Variants in STRN observed in about 807,000 individuals in gnomAD.
The protein encoded by STRN is striatin.
In STRN, 53 loss-of-function variants were observed where a neutral mutation model predicts 96.3. The ratio of observed to expected loss-of-function variants is 0.55; its 90% CI spans 0.44 to 0.69. The LOEUF is 0.69. STRN is among the 30% of genes least tolerant of loss of function. The pLI, the probability that STRN is intolerant of heterozygous loss-of-function variation, is 0.00. For missense variants in STRN, 987 were observed against 963.9 expected (o/e 1.02, Z -0.32); for synonymous variants, 428 against 355.9 (o/e 1.20, Z -2.28).
At position 36,846,295 on chromosome 2, in the gene STRN, C is replaced by G. The variant is rs1028317265; in HGVS notation, c.*3161G>C. 2 of 145,786 alleles carry G rather than the reference C, an allele frequency of 1.4e-5. No individual in the cohort carries two copies. Among genetic ancestry groups the G allele is most frequent in the Non-Finnish European group, 3.0e-5 (2 of 66,866 alleles). The allele number at this position is 145,786 out of a possible 1,614,324, so 9.0% of individuals were successfully genotyped here. ...AGAACTATATATTATACTGCAAAAG[C>G]AAACAGCACAACACTCATCATACTC... On this transcript the variant is annotated 3_prime_UTR_variant, in exon 18 of 18. Coordinates refer to ENST00000263918, the MANE Select transcript of STRN (RefSeq NM_003162.4).
intron 10 of STRN, among the ~76,000 whole-genome samples, chr2:36,877,531 T>C (rs1361297883): frequency 6.6e-6 from 1 of 152,238 alleles, no homozygotes; most frequent in Non-Finnish European, 1.5e-5. Flanking sequence ...TAAAATCAAC[T>C]TTTTATTTTA....
At chr2:36,903,529 G>A (rs1450781647) in intron 4 of STRN, among the ~76,000 whole-genome samples, 2 of 152,138 alleles carry the variant, frequency 1.3e-5, no homozygotes, top group African/African-American at 4.8e-5. Context: ...GCAGTGGGAA[G>A]ACCATGAAAA....
chr2:36,885,293 C>CA lies in STRN; in HGVS notation c.1043-1219dup, dbSNP rs1479343412. Among the ~76,000 whole-genome samples, 24 of 152,218 alleles carry CA rather than the reference C, an allele frequency of 1.6e-4. No individual in the cohort carries two copies. The South Asian group carries it at 2.9e-3, about 18-fold the overall frequency. ...AGGATCTTTTGTATTTCAAGACATT[C>CA]ATTTTTGTAGCATAATGACCTAAAG... On this transcript the variant is annotated intron_variant, in intron 8 of 17. Transcript: ENST00000263918.
At position 36,878,000 on chromosome 2, in the gene STRN, G is replaced by C; in HGVS notation, c.1214C>G (p.Ser405Cys). 1.2e-6 allele frequency: 2 copies of C among 1,614,048 alleles called. No individual in the cohort carries two copies. The highest frequency in any genetic ancestry group is 1.7e-6 in the Non-Finnish European group (2 of 1,179,978). ...EVEALTFPPSSGKSFIMGADE... is the reference protein window; with the variant it reads ...EVEALTFPPSCGKSFIMGADE... ...TGCTCCCATGATGAATGACTTTCCA[G>C]AAGAAGGAGGAAATGTCAATGCTTC... The change falls in exon 10 of 18, where the codon TCT becomes TGT. Residue 405 changes from serine to cysteine, a missense_variant. Transcript: ENST00000263918.
rs554731198 is a variant in STRN at position 36,847,776 on chromosome 2, C to T, written c.*1680G>A. The T allele has an allele frequency of 1.7e-4, 26 of 152,256 alleles. No individual in the cohort carries two copies. The highest frequency in any genetic ancestry group is 6.3e-4 in the African/African-American group (26 of 41,546). The allele number at this position is 152,256 out of a possible 1,614,324, so 9.4% of individuals were successfully genotyped here. ...ATTTGTCAATCATTAGCCACACCAC[C>T]ACCAGAATACTTTTTCAAGGAGTAG... On this transcript the variant is annotated 3_prime_UTR_variant, in exon 18 of 18. Coordinates refer to ENST00000263918, the MANE Select transcript of STRN (RefSeq NM_003162.4).
intron 2 of STRN, among the ~76,000 whole-genome samples, chr2:36,917,249 C>A (rs7579735): frequency 0.14 from 21,163 of 150,684 alleles, 3,222 homozygotes; most frequent in African/African-American, 0.38. Context: ...TGGCTGGGCA[C>A]GGGGGCTCAT....
chr2:36,906,443 AG>A (rs1669821726), intron 3 of STRN, among the ~76,000 whole-genome samples: 1 of 148,478 alleles, frequency 6.7e-6, no homozygotes, highest in African/African-American at 2.5e-5. Context: ...TAGGCAACAG[AG>A]GGAGGCTCTG....
At chr2:36,886,208 T>C (rs1028309970) in intron 8 of STRN, among the ~76,000 whole-genome samples, 3 of 152,154 alleles carry the variant, frequency 2.0e-5, no homozygotes, top group African/African-American at 7.2e-5. Context: ...AGTTATATAT[T>C]TGACTCTGTG....
chr2:36,966,419 G>T lies in STRN; in HGVS notation c.45C>A (p.His15Gln), dbSNP rs1572707773. ...AGPGVFFSNN[H>Q]PGAGGAKGLG... The stretch of plus-strand genomic sequence containing the variant: ...GCCCCTTGGCACCGCCGGCGCCCGG[G>T]TGGTTGTTGCTGAAGAAGACGCCGG... Residue 15 changes from histidine (H) to glutamine (Q), a missense_variant, in exon 1 of 18, where the codon CAC (histidine) becomes CAA (glutamine). His to Gln is a conservative substitution (Grantham distance 24). Coordinates refer to ENST00000263918, the MANE Select transcript of STRN (RefSeq NM_003162.4). 1 of 1,464,284 alleles carries T rather than the reference G, an allele frequency of 6.8e-7. No homozygotes were observed. The highest frequency in any genetic ancestry group is 1.3e-5 in the South Asian group (1 of 74,956). 90.7% of individuals were successfully genotyped at this position (1,464,284 alleles called of 1,614,324 possible).
At chr2:36,918,695 G>T (rs1010249874) in intron 2 of STRN, among the ~76,000 whole-genome samples, 1 of 152,064 alleles carries the variant, frequency 6.6e-6, no homozygotes, top group African/African-American at 2.4e-5. Context: ...CTTAAATCAA[G>T]GTCTCCCTAC....
At chr2:36,858,161 G>T in intron 13 of STRN, 138 bp from the exon 14 acceptor site, 2 of 578,264 alleles carry the variant, frequency 3.5e-6, no homozygotes, top group African/African-American at 1.9e-5. Flanking sequence ...TTATTCTTCT[G>T]ACAGGCTACA....
chr2:36,923,035 G>T (rs1218721075), intron 2 of STRN, among the ~76,000 whole-genome samples: 1 of 151,920 alleles, frequency 6.6e-6, no homozygotes, highest in East Asian at 1.9e-4. Context: ...CCAGCTACTT[G>T]GGAGGCTGAG....
rs1207020268 is a variant in STRN, at chr2:36,875,591, CAACTT to C, written c.1323+2295_1323+2299del. On this transcript the variant is annotated intron_variant, in intron 10 of 17. Transcript: ENST00000263918. ...AAATTACCAAAAAAAAAGCAAAAAT[CAACTT>C]AACAGTGTTTTAAAAAGACAAACAT... Among the ~76,000 whole-genome samples the C allele has an allele frequency of 7.6e-4, 104 of 137,338 alleles. 1 individual carries two copies. Among genetic ancestry groups the C allele is most frequent in the East Asian group, 2.2e-3 (10 of 4,530 alleles). The allele number at this position is 137,338 out of a possible 152,430, so 90.1% of individuals were successfully genotyped here.
At chr2:36,852,923 G>A (rs562682715) in intron 15 of STRN, among the ~76,000 whole-genome samples, 10 of 152,264 alleles carry the variant, frequency 6.6e-5, no homozygotes, top group Middle Eastern at 3.4e-3. Context: ...TTAGGAGGCC[G>A]AGGCAGGCGG....
intron 1 of STRN, among the ~76,000 whole-genome samples, chr2:36,943,925 T>C (rs1670913335): frequency 6.6e-6 from 1 of 151,904 alleles, no homozygotes; most frequent in East Asian, 1.9e-4. Context: ...GAGACCAGCC[T>C]GGCCAACATG....
intron 9 of STRN, among the ~76,000 whole-genome samples, chr2:36,881,530 A>G (rs183362785): frequency 1.6e-3 from 239 of 152,374 alleles, no homozygotes; most frequent in African/African-American, 5.4e-3. Flanking sequence ...AAGACCAAGA[A>G]GTATCAGTTA....
At chr2:36,903,387 C>A (rs1167116062) in intron 4 of STRN, among the ~76,000 whole-genome samples, 3 of 152,212 alleles carry the variant, frequency 2.0e-5, no homozygotes, top group African/African-American at 7.2e-5. Context: ...CTGCCACTTA[C>A]TTGCATAACT....
chr2:36,965,525 G>T (rs1012809990), intron 1 of STRN, among the ~76,000 whole-genome samples: 12 of 152,098 alleles, frequency 7.9e-5, no homozygotes, highest in Admixed American at 7.2e-4. Context: ...TTAACCCTTG[G>T]GAAGTTTCAG....
At chr2:36,961,977 G>C (rs1022489046) in intron 1 of STRN, among the ~76,000 whole-genome samples, 2 of 152,070 alleles carry the variant, frequency 1.3e-5, no homozygotes, top group Non-Finnish European at 2.9e-5. Flanking sequence ...GTCTTAGCTC[G>C]AATGGCATCT....
Sources: allele counts gnomAD v4.1 joint callset (sites outside exome capture counted in the v4.1 genomes callset), GRCh38; gene constraint gnomAD v4.1.1; transcripts MANE v1.5; gene names NCBI Gene and HGNC (gene_info 2026-07-23, HGNC 2026-07-21).